The following KANK1 variants were observed in gnomAD, a reference collection of about 807,000 sequenced individuals.
The protein encoded by KANK1 is KN motif and ankyrin repeat domains 1, also known as KN motif and ankyrin repeat domain-containing protein 1.
Under a neutral mutation model 106.2 loss-of-function variants are expected in KANK1, and 109 were observed. The ratio of observed to expected loss-of-function variants is 1.03; its 90% CI spans 0.88 to 1.20. The LOEUF (loss-of-function observed/expected upper bound fraction) is 1.20. KANK1 is among the 50% of genes most tolerant of loss of function. The probability of loss-of-function intolerance (pLI) is 0.00; values close to 1 mark genes in which losing one functional copy is unlikely to be tolerated. For missense variants in KANK1, 2,399 were observed against 1,710.7 expected, an observed-to-expected ratio of 1.40 and a Z score of -7.10; for synonymous variants, 873 against 652.2, an observed-to-expected ratio of 1.34 and a Z score of -5.16.
chr9:586,386 T>G (rs1823474210), intron 1 of KANK1, among the ~76,000 whole-genome samples: 3 of 152,164 alleles, frequency 2.0e-5, no homozygotes, highest in African/African-American at 7.2e-5. Flanking sequence ...GGGTCCAAGT[T>G]AGAGGCTCTT....
intron 2 of KANK1, among the ~76,000 whole-genome samples, chr9:702,934 GT>G (rs2130413855): frequency 6.6e-6 from 1 of 152,242 alleles, no homozygotes; most frequent in South Asian, 2.1e-4. Flanking sequence ...TTGATCACTA[GT>G]TTACATACTT....
chr9:501,990 C>T (rs918454057), upstream of KANK1, among the ~76,000 whole-genome samples: 2 of 152,184 alleles, frequency 1.3e-5, no homozygotes, highest in African/African-American at 2.4e-5. Flanking sequence ...CAGTATAATT[C>T]TATCATCAGT....
chr9:483,785 A>G (rs2058246660), intron 3 of KANK1, among the ~76,000 whole-genome samples: 1 of 152,088 alleles, frequency 6.6e-6, no homozygotes, highest in South Asian at 2.1e-4. Context: ...CTGGACAGGC[A>G]CTCTTGACAA....
At chr9:539,006 G>A (rs1010100952) in intron 1 of KANK1, among the ~76,000 whole-genome samples, 19 of 151,874 alleles carry the variant, frequency 1.3e-4, no homozygotes, top group African/African-American at 4.4e-4. Context: ...TCAGCCTCCC[G>A]AGTAGCTGGG....
rs367620132 is a variant in KANK1 at position 713,011 on chromosome 9, G to C, written c.2245G>C (p.Asp749His). 2 of 1,614,184 alleles carry C rather than the reference G, an allele frequency of 1.2e-6. No homozygotes were observed. The highest frequency in any genetic ancestry group is 3.3e-4 in the Middle Eastern group (2 of 6,062). ...GTLLSGHSGF[D>H]RPSAVKTKES... is the part of the protein sequence containing the mutation. ...GTTGCTTTCTGGCCATTCTGGGTTT[G>C]ACAGGCCATCAGCTGTGAAGACCAA... is the stretch of plus-strand genomic sequence containing the variant. The change falls in exon 3 of 12, where the codon GAC becomes CAC. Residue 749 changes from aspartate (D) to histidine (H), a missense_variant. Coordinates refer to ENST00000382297, the MANE Select transcript of KANK1 (RefSeq NM_015158.5).
chr9:660,215 C>G (rs1380132051), intron 1 of KANK1: 2 of 266,044 alleles, frequency 7.5e-6, no homozygotes, highest in Non-Finnish European at 1.6e-5. Flanking sequence ...AATTGAGCAT[C>G]CAGAATATGG....
chr9:582,480 G>T (rs1822420892), intron 1 of KANK1, among the ~76,000 whole-genome samples: 1 of 152,128 alleles, frequency 6.6e-6, no homozygotes, highest in Non-Finnish European at 1.5e-5. Flanking sequence ...TCATCTACCA[G>T]CCTCACTCAC....
At chr9:619,772 A>AT (rs1157407666) in intron 1 of KANK1, among the ~76,000 whole-genome samples, 1 of 152,152 alleles carries the variant, frequency 6.6e-6, no homozygotes, top group Non-Finnish European at 1.5e-5. Flanking sequence ...ATTTGCAATG[A>AT]TTTTTAAATA....
At chr9:687,003 C>G in intron 2 of KANK1, 2 of 858,372 alleles carry the variant, frequency 2.3e-6, no homozygotes, top group Non-Finnish European at 2.8e-6. Context: ...TGAGATGAGA[C>G]TTTGCAGATA....
intron 6 of KANK1, chr9:734,492 C>G (rs750941460): frequency 3.0e-6 from 1 of 336,396 alleles, no homozygotes; most frequent in Non-Finnish European, 5.7e-6. Context: ...ATAGTGAAAC[C>G]CCGTCTCCAC....
chr9:522,471 G>A (rs55945160), intron 1 of KANK1, among the ~76,000 whole-genome samples: 1 of 151,520 alleles, frequency 6.6e-6, no homozygotes, highest in Admixed American at 6.6e-5. Flanking sequence ...ATGCTCTGTG[G>A]CATACTGGGG....
chr9:587,124 G>A (rs1303591420), intron 1 of KANK1, among the ~76,000 whole-genome samples: 2 of 152,102 alleles, frequency 1.3e-5, no homozygotes, highest in East Asian at 1.9e-4. Context: ...AGTAATTTCT[G>A]GCCTTACATA....
At chr9:614,639 C>A (rs959640659) in intron 1 of KANK1, among the ~76,000 whole-genome samples, 1 of 151,974 alleles carries the variant, frequency 6.6e-6, no homozygotes, top group Non-Finnish European at 1.5e-5. Flanking sequence ...CGGAAGTGCC[C>A]CTCAGACATG....
intron 1 of KANK1, among the ~76,000 whole-genome samples, chr9:543,757 C>G (rs1314311579): frequency 6.6e-6 from 1 of 152,034 alleles, no homozygotes; most frequent in Non-Finnish European, 1.5e-5. Context: ...AAAAACATAA[C>G]TCTAATTGAT....
At chr9:519,603 T>A (rs886354799) in intron 1 of KANK1, among the ~76,000 whole-genome samples, 8 of 151,794 alleles carry the variant, frequency 5.3e-5, no homozygotes, top group Non-Finnish European at 1.2e-4. Flanking sequence ...CCTGGACTTT[T>A]TGGAATGATT....
At chr9:575,776 C>G (rs190016705) in intron 1 of KANK1, among the ~76,000 whole-genome samples, 3 of 152,322 alleles carry the variant, frequency 2.0e-5, no homozygotes, top group African/African-American at 7.2e-5. Context: ...AATCCCAGCA[C>G]TTTGGGAGGC....
In KANK1 at chr9:625,786, C is replaced by A. The variant is rs114218558; in HGVS notation, c.-83-51104C>A. The stretch of plus-strand genomic sequence containing the variant: ...TGGACCTGTGCTTTAAAAAGCTGAG[C>A]CCCTGAGTTTGTTGCACTGTGTACT... On this transcript the variant is annotated intron_variant, in intron 1 of 11. Transcript: ENST00000382297. Among the ~76,000 whole-genome samples the A allele has an allele frequency of 1.8e-3, 281 of 152,264 alleles. 3 individuals carry two copies. The highest frequency in any genetic ancestry group is 6.4e-3 in the African/African-American group (265 of 41,544).
intron 1 of KANK1, among the ~76,000 whole-genome samples, chr9:522,364 T>C (rs2059590616): frequency 6.6e-6 from 1 of 151,718 alleles, no homozygotes; most frequent in Non-Finnish European, 1.5e-5. Flanking sequence ...AAGAGGACTC[T>C]GTGTGGGGGA....
chr9:484,010 C>T (rs757896584), intron 3 of KANK1, among the ~76,000 whole-genome samples: 1 of 152,128 alleles, frequency 6.6e-6, no homozygotes, highest in Non-Finnish European at 1.5e-5. Flanking sequence ...CAAACAAATC[C>T]GTCTGTCCCC....
Sources: allele counts gnomAD v4.1 joint callset (sites outside exome capture counted in the v4.1 genomes callset), GRCh38; gene constraint gnomAD v4.1.1; transcripts MANE v1.5; gene names NCBI Gene and HGNC (gene_info 2026-07-23, HGNC 2026-07-21).